PUS1: variants seen among roughly 807,000 people sequenced by gnomAD.
PUS1 encodes pseudouridine synthase 1.
In PUS1, 25 loss-of-function variants were observed where a neutral mutation model predicts 38.5. The ratio of observed to expected loss-of-function variants is 0.65; its 90% CI spans 0.47 to 0.91. The LOEUF is 0.91. Among genes scored for constraint, PUS1 ranks in the 40% least tolerant of loss-of-function variants. The probability of loss-of-function intolerance (pLI) is 0.00; values close to 1 mark genes in which losing one functional copy is unlikely to be tolerated. For missense variants in PUS1, 597 were observed against 612.3 expected (o/e 0.97, Z 0.26); for synonymous variants, 282 against 260.4 (o/e 1.08, Z -0.80).
intron 3 of PUS1, among the ~76,000 whole-genome samples, chr12:131,933,923 A>G (rs1008572483): frequency 1.3e-5 from 2 of 152,236 alleles, no homozygotes; most frequent in African/African-American, 4.8e-5. Flanking sequence ...TATTTATTGT[A>G]TACAAGGCAA....
rs1379048326 is a variant in PUS1 at position 131,941,399 on chromosome 12, C to G, written c.652C>G (p.Gln218Glu). ...CTTTGCGCACAAGGACCGGGACGTT[C>G]AGGATGAGACCTACCGCCTGAGCGC... ...FAFAHKDRDV[Q>E]DETYRLSAET... The change falls in exon 5 of 6, where the codon CAG (glutamine) becomes GAG (glutamate). Residue 218 changes from glutamine to glutamate, a missense_variant. By Grantham distance (29) the Gln-to-Glu change is conservative. Coordinates refer to ENST00000376649, the MANE Select transcript of PUS1 (RefSeq NM_025215.6). The surrounding 1 kb of genome is among the most constrained non-coding windows in gnomAD (Gnocchi z 4.4). 1 of 1,614,206 alleles carries G rather than the reference C, an allele frequency of 6.2e-7. No homozygotes were observed. Among genetic ancestry groups the G allele is most frequent in the Admixed American group, 1.7e-5 (1 of 60,020 alleles).
rs932567708 is a variant in PUS1 at position 131,942,001 on chromosome 12, G to A, written c.1236+18G>A. 1 of 1,594,168 alleles carries A rather than the reference G, an allele frequency of 6.3e-7. No individual in the cohort carries two copies. The highest frequency in any genetic ancestry group is 1.7e-5 in the Admixed American group (1 of 58,752). ...GCGCCAAGGTAGGGGCACAGTCCCA[G>A]CAGTGCTCAGCAGAACACAGGCCCA... On this transcript the variant is annotated intron_variant, in intron 5 of 5. Coordinates refer to ENST00000376649, the MANE Select transcript of PUS1 (RefSeq NM_025215.6).
In PUS1 at chr12:131,932,546, C is replaced by G. The variant is rs140645028; in HGVS notation, c.441+234C>G. 9.5e-4 allele frequency: 568 copies of G among 596,392 alleles called. 5 individuals are homozygous for G. The highest frequency in any genetic ancestry group is 9.5e-3 in the African/African-American group (514 of 54,034). 36.9% of individuals were successfully genotyped at this position (596,392 alleles called of 1,614,324 possible). On this transcript the variant is annotated intron_variant, in intron 3 of 5. Transcript: ENST00000376649. ...GTGTTCTCTCTGGTCTTTGCTTTCT[C>G]TTGTGTTGATTCTGTTCTCAGGGAC...
chr12:131,931,275 C>G (rs964449907), intron 2 of PUS1, among the ~76,000 whole-genome samples: 4 of 152,118 alleles, frequency 2.6e-5, no homozygotes, highest in African/African-American at 9.7e-5. Context: ...TCTTGTGCCT[C>G]AGCCTCCCGA....
intron 3 of PUS1, among the ~76,000 whole-genome samples, chr12:131,938,357 A>G (rs775542186): frequency 6.6e-6 from 1 of 152,074 alleles, no homozygotes; most frequent in Non-Finnish European, 1.5e-5. Flanking sequence ...GGGTGGGAGG[A>G]TTGCTCAAAC....
At chr12:131,933,675 G>A (rs1272605183) in intron 3 of PUS1, among the ~76,000 whole-genome samples, 2 of 152,264 alleles carry the variant, frequency 1.3e-5, no homozygotes, top group Non-Finnish European at 1.5e-5. Context: ...CTGAACCATG[G>A]GATTGGGTGT....
rs550406574 is a variant in PUS1, at chr12:131,941,431, G to A, written c.684G>A (p.Thr228=). 145 of 1,613,790 alleles carry A rather than the reference G, an allele frequency of 9.0e-5. 3 individuals are homozygous for A. The South Asian group carries it at 1.3e-3, about 15-fold the overall frequency. ...QDETYRLSAE[T]LQQVNRLLAC... is the part of the protein sequence containing the mutation. ...AGACCTACCGCCTGAGCGCCGAGAC[G>A]CTGCAGCAGGTCAACAGGCTCCTGG... The change falls in exon 5 of 6, where the codon ACG becomes ACA. Residue 228 remains threonine (T), a synonymous_variant. Coordinates refer to ENST00000376649, the MANE Select transcript of PUS1 (RefSeq NM_025215.6). The surrounding 1 kb of genome is among the most constrained non-coding windows in gnomAD (Gnocchi z 4.4).
At chr12:131,938,081 G>T (rs988205211) in intron 3 of PUS1, among the ~76,000 whole-genome samples, 9 of 151,916 alleles carry the variant, frequency 5.9e-5, no homozygotes, top group Admixed American at 5.9e-4. Context: ...TTGTTAACTG[G>T]TCTGGGATCT....
intron 3 of PUS1, among the ~76,000 whole-genome samples, chr12:131,934,397 G>A (rs929312718): frequency 2.6e-5 from 4 of 152,136 alleles, no homozygotes; most frequent in African/African-American, 9.7e-5. Context: ...GCCTTCAAGC[G>A]ACCCTTATCT....
rs148927836 is a variant in PUS1 at position 131,943,794 on chromosome 12, T to C, written c.*208T>C. On this transcript the variant is annotated 3_prime_UTR_variant, in exon 6 of 6. Transcript: ENST00000376649. Reference sequence around the variant, plus strand: ...TGCATTGCATAGATGAACCTCAGCATGTAAAGAACTATTTTTTTAAAGAAG... The same window carrying C: ...TGCATTGCATAGATGAACCTCAGCACGTAAAGAACTATTTTTTTAAAGAAG... 6.0e-3 allele frequency: 3,362 copies of C among 564,298 alleles called. 19 individuals carry two copies. The highest frequency in any genetic ancestry group is 0.02 in the African/African-American group (1,043 of 53,088). 35.0% of individuals were successfully genotyped at this position (564,298 alleles called of 1,614,324 possible).
Position 131,941,587 on chromosome 12 carries a change from G to A in PUS1, c.840G>A (p.Ala280=), listed in dbSNP as rs760958047. 41 of 1,614,200 alleles carry A rather than the reference G, an allele frequency of 2.5e-5. No homozygotes were observed. The highest frequency in any genetic ancestry group is 3.3e-4 in the Middle Eastern group (2 of 6,062). The change falls in exon 5 of 6, where the codon GCG becomes GCA. Residue 280 remains alanine (A), a synonymous_variant. Transcript: ENST00000376649. This position sits in a 1 kb window ranked among gnomAD's most constrained non-coding sequence, Gnocchi z 4.4. The part of the protein sequence containing the change: ...EPFVREGLEF[A]VIRVKGQSFM... Reference sequence around the variant, plus strand: ...TTGTGCGGGAGGGCCTGGAGTTTGCGGTGATCAGGGTGAAGGGCCAGAGCT... The same window carrying A: ...TTGTGCGGGAGGGCCTGGAGTTTGCAGTGATCAGGGTGAAGGGCCAGAGCT...
At chr12:131,930,973 T>G (rs559707311) in intron 2 of PUS1, among the ~76,000 whole-genome samples, 1 of 152,326 alleles carries the variant, frequency 6.6e-6, no homozygotes, top group East Asian at 1.9e-4. Context: ...AGGTAGACAT[T>G]CCTTTTGTTC....
chr12:131,938,962 C>T (rs74905133), intron 3 of PUS1, among the ~76,000 whole-genome samples: 12 of 152,146 alleles, frequency 7.9e-5, no homozygotes, highest in Non-Finnish European at 2.9e-5. Context: ...AGGATAGTCT[C>T]GATCTCCTGA....
chr12:131,939,936 G>C (rs1352117520), intron 4 of PUS1, among the ~76,000 whole-genome samples: 1 of 151,988 alleles, frequency 6.6e-6, no homozygotes, highest in East Asian at 1.9e-4. Context: ...GATAGGTGTG[G>C]CTGGGCGTGA....
intron 2 of PUS1, among the ~76,000 whole-genome samples, chr12:131,931,202 A>T (rs1324507828): frequency 6.6e-6 from 1 of 152,162 alleles, no homozygotes; most frequent in Non-Finnish European, 1.5e-5. Flanking sequence ...TCTGTCGCCC[A>T]GGCTGGAGTG....
chr12:131,929,864 G>T, intron 1 of PUS1, 43 bp from the exon 2 acceptor site: 1 of 703,026 alleles, frequency 1.4e-6, no homozygotes, highest in South Asian at 1.6e-5. Flanking sequence ...TCCACCCCGC[G>T]CGGTGCCGAG....
At chr12:131,932,475 G>A (rs534791618) in intron 3 of PUS1, 163 bp downstream of exon 3, 7 of 774,892 alleles carry the variant, frequency 9.0e-6, no homozygotes, top group East Asian at 2.7e-5. Context: ...GAGCCTGGTC[G>A]GCTCAGGTAT....
rs749000793 is a variant in PUS1, at chr12:131,929,844, C to CCCACCCCAGT, written c.75-55_75-46dup. The CCCACCCCAGT allele has an allele frequency of 4.5e-5, 67 of 1,504,338 alleles. No homozygotes were observed. In the East Asian group the frequency reaches 1.4e-3, roughly 32 times the overall value. The allele number at this position is 1,504,338 out of a possible 1,614,324, so 93.2% of individuals were successfully genotyped here. A position where few individuals can be genotyped will look rare whatever the true frequency, so the allele number is the denominator to read the frequency against. On this transcript the variant is annotated intron_variant, in intron 1 of 5. Coordinates refer to ENST00000376649, the MANE Select transcript of PUS1 (RefSeq NM_025215.6). ...ACCCCGCTATGCCCGCCCAGCCCAG[C>CCCACCCCAGT]CCACCCCAGTCCACCCCGCGCGGTG...
At chr12:131,935,982 G>A (rs1281219096) in intron 3 of PUS1, among the ~76,000 whole-genome samples, 2 of 151,992 alleles carry the variant, frequency 1.3e-5, no homozygotes, top group African/African-American at 2.4e-5. Flanking sequence ...AGTCCAAGGC[G>A]GGCGGATCAC....
Sources: allele counts gnomAD v4.1 joint callset (sites outside exome capture counted in the v4.1 genomes callset), GRCh38; gene constraint gnomAD v4.1.1; non-coding constraint Gnocchi (gnomAD v3.1); transcripts MANE v1.5; gene names NCBI Gene and HGNC (gene_info 2026-07-23, HGNC 2026-07-21).